NADSYN1: variants seen among roughly 807,000 people sequenced by gnomAD.
The protein encoded by NADSYN1 is glutamine-dependent NAD(+) synthetase.
A neutral mutation model predicts 99.3 loss-of-function variants in NADSYN1; 80 were observed. The observed-to-expected ratio is 0.81, with a 90% CI of 0.67 to 0.97. The LOEUF (loss-of-function observed/expected upper bound fraction) is 0.97, where lower values mean the gene tolerates loss of function less well. NADSYN1 is among the 50% of genes least tolerant of loss of function. The pLI, the probability that NADSYN1 is intolerant of heterozygous loss-of-function variation, is 0.00. For missense variants in NADSYN1, 859 were observed against 948.5 expected (o/e 0.91, Z 1.24); for synonymous variants, 385 against 372.1 (o/e 1.03, Z -0.40).
chr11:71,490,928 C>A lies in NADSYN1; in HGVS notation c.1646C>A (p.Ala549Asp). The change falls in exon 17 of 21, where the codon GCC (alanine) becomes GAC (aspartate). Residue 549 changes from alanine to aspartate, a missense_variant. Coordinates refer to ENST00000319023, the MANE Select transcript of NADSYN1 (RefSeq NM_018161.5). ...GGGATCAGCAAGACGGACCTCAGGGCCTTCGTCCAGTTCTGCATCCAGCGC... is the reference window on the plus strand; with the variant it reads ...GGGATCAGCAAGACGGACCTCAGGGACTTCGTCCAGTTCTGCATCCAGCGC... ...IGGISKTDLR[A>D]FVQFCIQRFQ... 3 of 1,614,234 alleles carry A rather than the reference C, an allele frequency of 1.9e-6. No homozygotes were observed. Among genetic ancestry groups the A allele is most frequent in the Non-Finnish European group, 2.5e-6 (3 of 1,180,038 alleles).
chr11:71,481,792 C>G, intron 12 of NADSYN1, 131 bp from the exon 13 acceptor site: 1 of 711,918 alleles, frequency 1.4e-6, no homozygotes, highest in South Asian at 1.8e-5. Flanking sequence ...GTCCTGACCC[C>G]ATGGAAAGTG....
At chr11:71,494,524 T>C (rs12274363) in intron 18 of NADSYN1, among the ~76,000 whole-genome samples, 5,391 of 136,368 alleles carry the variant, frequency 0.04, 332 homozygotes, top group African/African-American at 0.14. Context: ...TCTTTCTTGA[T>C]GATCCAAAAA....
intron 18 of NADSYN1, 67 bp from the exon 19 acceptor site, chr11:71,497,416 A>G (rs1949827163): frequency 1.2e-6 from 2 of 1,603,814 alleles, no homozygotes; most frequent in Non-Finnish European, 8.5e-7. Flanking sequence ...CATCTCCAAA[A>G]GAAGCTTTAG....
intron 18 of NADSYN1, 86 bp downstream of exon 18, chr11:71,491,989 G>A: frequency 7.9e-7 from 1 of 1,265,460 alleles, no homozygotes; most frequent in Non-Finnish European, 1.1e-6. Flanking sequence ...CCTCCCTCCT[G>A]ACCCCAGGAC....
intron 18 of NADSYN1, among the ~76,000 whole-genome samples, chr11:71,496,043 G>A (rs1031809666): frequency 3.9e-5 from 6 of 152,142 alleles, no homozygotes; most frequent in African/African-American, 7.2e-5. Flanking sequence ...GTGAGCCCTC[G>A]GCCCTCTTCT....
At chr11:71,464,784 A>G (rs142902943) in intron 5 of NADSYN1, among the ~76,000 whole-genome samples, 42,237 of 149,558 alleles carry the variant, frequency 0.28, 6,429 homozygotes, top group South Asian at 0.46. Context: ...GGAGAATGGC[A>G]TGAACCCAGG....
intron 9 of NADSYN1, chr11:71,476,196 C>A: frequency 2.3e-6 from 1 of 439,628 alleles, no homozygotes; most frequent in Non-Finnish European, 4.6e-6. Context: ...GCCTCCCACA[C>A]ACAGCATTGC....
At chr11:71,498,301 G>A (rs1473536053) in intron 19 of NADSYN1, 51 bp from the exon 20 acceptor site, 3 of 1,600,456 alleles carry the variant, frequency 1.9e-6, no homozygotes, top group East Asian at 2.2e-5. Flanking sequence ...TTCCGGCCTG[G>A]GGTCTCTCCA....
rs532922691 is a variant in NADSYN1 at position 71,494,270 on chromosome 11, G to A, written c.1764+2367G>A. Among the ~76,000 whole-genome samples, 23 of 152,048 alleles carry A rather than the reference G, an allele frequency of 1.5e-4. No individual in the cohort carries two copies. The South Asian group carries it at 3.5e-3, about 23-fold the overall frequency. ...TTACCCTTTCTACTGTATTTTTATC[G>A]TCCCTTTTCTACACTTAGATACATA... On this transcript the variant is annotated intron_variant, in intron 18 of 20. Coordinates refer to ENST00000319023, the MANE Select transcript of NADSYN1 (RefSeq NM_018161.5).
intron 5 of NADSYN1, among the ~76,000 whole-genome samples, chr11:71,465,998 A>G (rs527486421): frequency 6.6e-6 from 1 of 152,206 alleles, no homozygotes; most frequent in East Asian, 1.9e-4. Context: ...TTTCTAGAAC[A>G]ATGTTCTAGA....
chr11:71,473,203 C>T lies in NADSYN1; in HGVS notation c.460-75C>T, dbSNP rs947263874. ...CCAGCTCTTGTGGCTGCAGGATGTC[C>T]GTGGCCCTAGGTAGTGCGTGGCCCA... On this transcript the variant is annotated intron_variant, in intron 6 of 20. Transcript: ENST00000319023. 24 of 1,371,376 alleles carry T rather than the reference C, an allele frequency of 1.8e-5. No individual in the cohort carries two copies. The East Asian group carries it at 1.8e-4, about 10-fold the overall frequency. 85.0% of individuals were successfully genotyped at this position (1,371,376 alleles called of 1,614,324 possible).
At position 71,477,213 on chromosome 11, in the gene NADSYN1, C is replaced by G. The variant is rs563887114; in HGVS notation, c.799-1182C>G. 1.6e-5 allele frequency: 19 copies of G among 1,184,612 alleles called. No homozygotes were observed. In the East Asian group the frequency reaches 1.2e-3, roughly 76 times the overall value. The allele number at this position is 1,184,612 out of a possible 1,614,324, so 73.4% of individuals were successfully genotyped here. A position where few individuals can be genotyped will look rare whatever the true frequency, so the allele number is the denominator to read the frequency against. On this transcript the variant is annotated intron_variant, in intron 9 of 20. Coordinates refer to ENST00000319023, the MANE Select transcript of NADSYN1 (RefSeq NM_018161.5). The stretch of plus-strand genomic sequence containing the variant: ...GCTTGTCGTGTGCCTGGAGTCAGGC[C>G]GCCGTGCGGCAGGCTGTTAACCTAG...
chr11:71,456,459 C>G (rs950071913), intron 2 of NADSYN1, among the ~76,000 whole-genome samples: 5 of 152,198 alleles, frequency 3.3e-5, no homozygotes, highest in South Asian at 2.1e-4. Context: ...AAGGCCTGAT[C>G]GTCTCGTGAG....
Position 71,482,032 on chromosome 11 carries a change from G to T in NADSYN1, c.1150+7G>T. The T allele has an allele frequency of 6.2e-7, 1 of 1,605,168 alleles. No individual in the cohort carries two copies. The highest frequency in any genetic ancestry group is 1.1e-5 in the South Asian group (1 of 89,384). ...GAGGCCGTGAGGAGTGGAAGTAGGTGACATCTGTTGGCTTGAGGGAGGCTC... is the reference window on the plus strand; with the variant it reads ...GAGGCCGTGAGGAGTGGAAGTAGGTTACATCTGTTGGCTTGAGGGAGGCTC... On this transcript the variant is annotated splice_region_variant and intron_variant, in intron 13 of 20. Transcript: ENST00000319023.
At chr11:71,484,896 T>G in intron 15 of NADSYN1, 1 of 198,604 alleles carries the variant, frequency 5.0e-6, no homozygotes, top group East Asian at 1.2e-4. Flanking sequence ...AGTGTGGATG[T>G]GTGAGTGTGC....
chr11:71,490,216 G>A (rs1257860917), intron 16 of NADSYN1, among the ~76,000 whole-genome samples: 3 of 152,210 alleles, frequency 2.0e-5, no homozygotes, highest in Non-Finnish European at 4.4e-5. Context: ...CACCACCAGC[G>A]GCCTCGCGTC....
At position 71,483,039 on chromosome 11, in the gene NADSYN1, G is replaced by T. The variant is rs529297987; in HGVS notation, c.1319+22G>T. ...GAAGGTAGAGTTGGTCCCTGGTATT[G>T]GGCATGGCAGGTGGCTGACAGAGCT... On this transcript the variant is annotated intron_variant, in intron 14 of 20. Transcript: ENST00000319023. 3.1e-6 allele frequency: 5 copies of T among 1,610,838 alleles called. No homozygotes were observed. In the African/African-American group the frequency reaches 4.0e-5, roughly 13 times the overall value.
intron 2 of NADSYN1, 55 bp from the exon 3 acceptor site, chr11:71,458,373 C>T (rs758092128): frequency 9.8e-5 from 136 of 1,384,710 alleles, no homozygotes; most frequent in Non-Finnish European, 1.3e-4. Flanking sequence ...CAGGCCCTGC[C>T]CCTCCCCGCT....
chr11:71,496,002 C>A (rs1949816221), intron 18 of NADSYN1, among the ~76,000 whole-genome samples: 1 of 152,212 alleles, frequency 6.6e-6, no homozygotes, highest in Non-Finnish European at 1.5e-5. Context: ...ACCAGCGGCA[C>A]CCTGTGGCCT....
Sources: allele counts gnomAD v4.1 joint callset (sites outside exome capture counted in the v4.1 genomes callset), GRCh38; gene constraint gnomAD v4.1.1; transcripts MANE v1.5; gene names NCBI Gene and HGNC (gene_info 2026-07-23, HGNC 2026-07-21).